Variants in NAALADL2 observed in about 807,000 individuals in gnomAD.
NAALADL2 encodes the protein N-acetylated alpha-linked acidic dipeptidase like 2.
Under a neutral mutation model 87.2 loss-of-function variants are expected in NAALADL2, and 76 were observed. The observed-to-expected ratio is 0.87, with a 90% CI of 0.72 to 1.05. NAALADL2 has a LOEUF of 1.05. Ranked by LOEUF, NAALADL2 falls within the 50% of genes least tolerant of loss-of-function variation. The pLI is 0.00. For synonymous variants in NAALADL2, 354 were observed against 331.0 expected, an observed-to-expected ratio of 1.07 and a Z score of -0.75; for missense variants, 1,089 against 945.8, an observed-to-expected ratio of 1.15 and a Z score of -1.99.
intron 1 of NAALADL2, among the ~76,000 whole-genome samples, chr3:174,465,388 A>G (rs1716476079): frequency 6.6e-6 from 1 of 152,220 alleles, no homozygotes; most frequent in Non-Finnish European, 1.5e-5. Flanking sequence ...TGTCTAATAC[A>G]GAGTTCGTAT....
At chr3:175,555,782 T>C (rs1461883938) in intron 9 of NAALADL2, among the ~76,000 whole-genome samples, 2 of 152,164 alleles carry the variant, frequency 1.3e-5, no homozygotes, top group African/African-American at 4.8e-5. Flanking sequence ...AAATGATAAT[T>C]CTTAATTACT....
intron 1 of NAALADL2, among the ~76,000 whole-genome samples, chr3:174,492,477 A>G (rs1481459786): frequency 1.3e-5 from 2 of 152,118 alleles, no homozygotes; most frequent in Non-Finnish European, 2.9e-5. Flanking sequence ...TTTAACCTTG[A>G]TGAATATAAT....
intron 3 of NAALADL2, among the ~76,000 whole-genome samples, chr3:174,796,860 G>A (rs1046181751): frequency 1.3e-5 from 2 of 151,662 alleles, no homozygotes; most frequent in Non-Finnish European, 2.9e-5. Context: ...TTTTTGAGTT[G>A]TTTGTATTCC....
intron 5 of NAALADL2, among the ~76,000 whole-genome samples, chr3:175,447,026 T>C (rs1720823069): frequency 6.6e-6 from 1 of 152,196 alleles, no homozygotes; most frequent in Non-Finnish European, 1.5e-5. Flanking sequence ...AACTAGGATA[T>C]GTCATTATAT....
chr3:175,069,799 T>A (rs1228155590), intron 1 of NAALADL2, among the ~76,000 whole-genome samples: 1 of 150,856 alleles, frequency 6.6e-6, no homozygotes, highest in African/African-American at 2.4e-5. Flanking sequence ...TAAGAAAATG[T>A]GGCACATATA....
chr3:175,612,930 C>T lies in NAALADL2; in HGVS notation c.1801-14361C>T, dbSNP rs148247655. ...AATTTTATTCATTGTGTTACCATGA[C>T]GCTGGGTGTGGCACCTCTACCCCAG... On this transcript the variant is annotated intron_variant, in intron 10 of 13. Transcript: ENST00000454872. Among the ~76,000 whole-genome samples the T allele has an allele frequency of 6.7e-3, 1,022 of 152,168 alleles. 6 individuals carry two copies. Among genetic ancestry groups the T allele is most frequent in the Non-Finnish European group, 0.01 (702 of 68,002 alleles).
chr3:174,841,235 G>A (rs1367463021), intron 3 of NAALADL2, among the ~76,000 whole-genome samples: 1 of 152,054 alleles, frequency 6.6e-6, no homozygotes, highest in African/African-American at 2.4e-5. Flanking sequence ...ACCACTTAGT[G>A]TTAATTATAA....
At chr3:174,956,053 G>A (rs761016347) in intron 1 of NAALADL2, among the ~76,000 whole-genome samples, 51 of 152,122 alleles carry the variant, frequency 3.4e-4, no homozygotes, top group Middle Eastern at 3.4e-3. Context: ...CACAAAATAT[G>A]ATATGGAAAA....
chr3:174,669,329 G>A (rs1726297313), intron 2 of NAALADL2, among the ~76,000 whole-genome samples: 1 of 151,938 alleles, frequency 6.6e-6, no homozygotes, highest in Non-Finnish European at 1.5e-5. Context: ...TTTGTCAGAT[G>A]AGTAGATTGC....
chr3:174,785,029 T>G (rs1172942577), intron 3 of NAALADL2, among the ~76,000 whole-genome samples: 1 of 151,820 alleles, frequency 6.6e-6, no homozygotes, highest in African/African-American at 2.4e-5. Context: ...TGTTATAATT[T>G]TATCTTTTAT....
rs542773968 is a variant in NAALADL2 at position 174,900,600 on chromosome 3, T to C, written c.43+41150T>C. 5.3e-5 allele frequency among the ~76,000 whole-genome samples: 8 copies of C among 152,112 alleles called. No homozygotes were observed. The East Asian group carries it at 1.5e-3, about 29-fold the overall frequency. On this transcript the variant is annotated intron_variant, in intron 1 of 13. Transcript: ENST00000454872. ...ATTCTAATTCATAAATAAGCTTTTA[T>C]ATGAAAGACAGCATTATTTACATAC...
At chr3:174,857,429 A>G (rs1276374956), upstream of NAALADL2, among the ~76,000 whole-genome samples, 1 of 152,158 alleles carries the variant, frequency 6.6e-6, no homozygotes. Context: ...TCTCTATTCC[A>G]CTTTCATCGT....
At chr3:175,200,829 G>A (rs1208484540) in intron 2 of NAALADL2, among the ~76,000 whole-genome samples, 1 of 152,084 alleles carries the variant, frequency 6.6e-6, no homozygotes, top group East Asian at 1.9e-4. Context: ...ACTCTCAAAT[G>A]CTCCCATGGC....
At chr3:174,972,303 G>A (rs549371680) in intron 1 of NAALADL2, among the ~76,000 whole-genome samples, 25 of 152,226 alleles carry the variant, frequency 1.6e-4, no homozygotes, top group Admixed American at 7.8e-4. Context: ...GAATGTATTA[G>A]TTTGCTAATG....
chr3:174,765,143 CGAGAG>C lies in NAALADL2; in HGVS notation c.-9+27398_-9+27402del, dbSNP rs1221966989. ...ACACATACACACACACACACACACA[CGAGAG>C]AGAGAGAGAGAGAGAGAGAGAGACA... is the stretch of plus-strand genomic sequence containing the variant. On this transcript the variant is annotated intron_variant, in intron 3 of 3. Transcript: ENST00000434257. Among the ~76,000 whole-genome samples, 262 of 124,634 alleles carry C rather than the reference CGAGAG, an allele frequency of 2.1e-3. 4 individuals are homozygous for C. In the East Asian group the frequency reaches 0.028, roughly 13 times the overall value. 81.8% of individuals were successfully genotyped at this position (124,634 alleles called of 152,430 possible). A position where few individuals can be genotyped will look rare whatever the true frequency, so the allele number is the denominator to read the frequency against.
At chr3:175,305,979 G>C (rs74840263) in intron 4 of NAALADL2, among the ~76,000 whole-genome samples, 3 of 151,448 alleles carry the variant, frequency 2.0e-5, no homozygotes, top group African/African-American at 7.3e-5. Flanking sequence ...AGATTTTTTT[G>C]ATAAAAAACA....
At chr3:175,552,618 C>A (rs140351490) in intron 9 of NAALADL2, among the ~76,000 whole-genome samples, 4 of 152,180 alleles carry the variant, frequency 2.6e-5, no homozygotes, top group African/African-American at 9.6e-5. Flanking sequence ...GTCACATAGT[C>A]TTACAGTGCT....
At chr3:175,278,716 T>C (rs1374953873) in intron 4 of NAALADL2, among the ~76,000 whole-genome samples, 1 of 152,124 alleles carries the variant, frequency 6.6e-6, no homozygotes, top group African/African-American at 2.4e-5. Context: ...GTAGGTAGCA[T>C]TATGTTCACT....
In NAALADL2 at chr3:175,067,215, G is replaced by A. The variant is rs184685232; in HGVS notation, c.44-29575G>A. 1.4e-3 allele frequency among the ~76,000 whole-genome samples: 220 copies of A among 152,108 alleles called. 1 individual carries two copies. Among genetic ancestry groups the A allele is most frequent in the African/African-American group, 5.1e-3 (210 of 41,528 alleles). ...AATTTATGACTAAGTTCTCAAAAGC[G>A]ATTACAACAAAAACAAAAATTGACT... is the stretch of plus-strand genomic sequence containing the variant. On this transcript the variant is annotated intron_variant, in intron 1 of 13. Coordinates refer to ENST00000454872, the MANE Select transcript of NAALADL2 (RefSeq NM_207015.3).
Sources: allele counts gnomAD v4.1 joint callset (sites outside exome capture counted in the v4.1 genomes callset), GRCh38; gene constraint gnomAD v4.1.1; transcripts MANE v1.5; gene names NCBI Gene and HGNC (gene_info 2026-07-23, HGNC 2026-07-21).